The following BARD1 variants were observed in gnomAD, a reference collection of about 807,000 sequenced individuals.
BARD1 encodes BRCA1 associated RING domain 1, also known as BRCA1-associated RING domain protein 1.
BARD1 carries 73 observed loss-of-function variants against 77.0 expected under a neutral mutation model. The ratio of observed to expected loss-of-function variants is 0.95; its 90% confidence interval spans 0.79 to 1.15. BARD1 has a LOEUF of 1.15. BARD1 is among the 50% of genes most tolerant of loss of function. The pLI is 0.00. For missense variants in BARD1, 993 were observed against 938.8 expected (o/e 1.06, Z -0.75); for synonymous variants, 384 against 338.0 (o/e 1.14, Z -1.49).
chr2:214,746,558 A>T (rs952284163), intron 7 of BARD1, among the ~76,000 whole-genome samples: 1 of 151,752 alleles, frequency 6.6e-6, no homozygotes, highest in Non-Finnish European at 1.5e-5. Context: ...ATTAAAGCTG[A>T]GAAGTGAAAG....
intron 1 of BARD1, among the ~76,000 whole-genome samples, chr2:214,806,132 C>T (rs1388269868): frequency 6.6e-6 from 1 of 152,156 alleles, no homozygotes; most frequent in African/African-American, 2.4e-5. Context: ...ACACTTTCAT[C>T]GGCTTCACCT....
intron 3 of BARD1, 63 bp from the exon 4 acceptor site, chr2:214,781,572 C>T (rs1056804860): frequency 2.4e-5 from 33 of 1,393,474 alleles, no homozygotes; most frequent in African/African-American, 7.2e-5. Context: ...ATGGAGCTCC[C>T]GAAGAATTTT....
chr2:214,752,635 C>T, intron 6 of BARD1, 80 bp from the exon 7 acceptor site: 1 of 998,612 alleles, frequency 1.0e-6, no homozygotes, highest in Non-Finnish European at 1.6e-6. Context: ...TAATAATATA[C>T]AATTTTAACT....
chr2:214,785,277 T>C (rs1242966508), intron 3 of BARD1, among the ~76,000 whole-genome samples: 4 of 151,982 alleles, frequency 2.6e-5, no homozygotes, highest in African/African-American at 9.7e-5. Flanking sequence ...CATTGACAAA[T>C]CATACAAGTC....
At position 214,781,323 on chromosome 2, in the gene BARD1, G is replaced by T; in HGVS notation, c.551C>A (p.Ser184Tyr). ...AGAAACATCTGCAGGAGGACTTGGG[G>T]AAACAAATTCATATGAGTCTTGCTG... ...SAQQDSYEFVSPSPPADVSER... is the reference protein window; with the variant it reads ...SAQQDSYEFVYPSPPADVSER... The change falls in exon 4 of 11, where the codon TCC becomes TAC. Residue 184 changes from serine (S) to tyrosine (Y), a missense_variant. Ser to Tyr is a moderately radical substitution (Grantham distance 144). Coordinates refer to ENST00000260947, the MANE Select transcript of BARD1 (RefSeq NM_000465.4). 6.2e-7 allele frequency: 1 copy of T among 1,612,848 alleles called. No homozygotes were observed. The highest frequency in any genetic ancestry group is 1.3e-5 in the African/African-American group (1 of 74,986).
intron 1 of BARD1, among the ~76,000 whole-genome samples, chr2:214,803,861 C>T (rs1696144513): frequency 6.6e-6 from 1 of 152,186 alleles, no homozygotes; most frequent in Non-Finnish European, 1.5e-5. Context: ...CAGATCAGTG[C>T]TGTCAGAGGA....
intron 7 of BARD1, among the ~76,000 whole-genome samples, chr2:214,747,897 T>A (rs1338866945): frequency 6.6e-6 from 1 of 151,058 alleles, no homozygotes; most frequent in African/African-American, 2.4e-5. Context: ...AATAAAAAAA[T>A]TAAAAAAGGA....
chr2:214,749,617 C>T (rs1693306263), intron 7 of BARD1, among the ~76,000 whole-genome samples: 1 of 152,082 alleles, frequency 6.6e-6, no homozygotes, highest in African/African-American at 2.4e-5. Context: ...AAAGGAACAT[C>T]AGCAAAGGAC....
chr2:214,730,633 A>T (rs1263874327), intron 9 of BARD1, 125 bp from the exon 10 acceptor site: 1 of 752,370 alleles, frequency 1.3e-6, no homozygotes, highest in Non-Finnish European at 2.3e-6. Flanking sequence ...TATTATTCTA[A>T]AATGCAAACA....
intron 3 of BARD1, among the ~76,000 whole-genome samples, chr2:214,787,242 A>C (rs772873576): frequency 6.6e-6 from 1 of 151,948 alleles, no homozygotes; most frequent in Non-Finnish European, 1.5e-5. Context: ...ACCTCAATAT[A>C]AAAAGAAGAA....
At chr2:214,798,899 A>C (rs1695884846) in intron 1 of BARD1, among the ~76,000 whole-genome samples, 1 of 152,030 alleles carries the variant, frequency 6.6e-6, no homozygotes, top group Non-Finnish European at 1.5e-5. Context: ...TGAGAGGATC[A>C]CTTGAGGCCA....
chr2:214,730,101 G>T, intron 10 of BARD1: 1 of 404,278 alleles, frequency 2.5e-6, no homozygotes, highest in Non-Finnish European at 4.6e-6. Context: ...AGAGACATAT[G>T]GTAACTAAAT....
Position 214,796,144 on chromosome 2 carries a change from T to C in BARD1, c.215+917A>G, listed in dbSNP as rs77847798. Reference sequence around the variant, plus strand: ...AGGAGACTATATTTTCCCTGTCTCATAGGCAATTAAACTAAGACACTTAAT... The same window carrying C: ...AGGAGACTATATTTTCCCTGTCTCACAGGCAATTAAACTAAGACACTTAAT... On this transcript the variant is annotated intron_variant, in intron 2 of 10. Coordinates refer to ENST00000260947, the MANE Select transcript of BARD1 (RefSeq NM_000465.4). Among the ~76,000 whole-genome samples, 1,210 of 152,330 alleles carry C rather than the reference T, an allele frequency of 7.9e-3. 11 individuals carry two copies. The highest frequency in any genetic ancestry group is 0.027 in the African/African-American group (1,135 of 41,578).
At chr2:214,729,225 G>A (rs1271616424) in intron 10 of BARD1, among the ~76,000 whole-genome samples, 1 of 152,172 alleles carries the variant, frequency 6.6e-6, no homozygotes, top group Non-Finnish European at 1.5e-5. Context: ...CACAAAATTC[G>A]TTTGTTTCTT....
chr2:214,795,086 T>C (rs1695700496), intron 2 of BARD1, among the ~76,000 whole-genome samples: 1 of 152,136 alleles, frequency 6.6e-6, no homozygotes, highest in African/African-American at 2.4e-5. Flanking sequence ...TGACCTATTG[T>C]ATACAGTGAG....
chr2:214,738,881 G>A (rs541811501), intron 9 of BARD1, among the ~76,000 whole-genome samples: 32 of 152,166 alleles, frequency 2.1e-4, no homozygotes, highest in Middle Eastern at 3.4e-3. Flanking sequence ...CTGGTGGCTC[G>A]CACTTGTAAT....
rs564908067 is a variant in BARD1 at position 214,752,354 on chromosome 2, G to A, written c.1677+93C>T. On this transcript the variant is annotated intron_variant, in intron 7 of 10. Coordinates refer to ENST00000260947, the MANE Select transcript of BARD1 (RefSeq NM_000465.4). ...CTCAATAATTGTTTGGTGAATGTAA[G>A]CAATTGGTCAAATGGAAATTTTTCT... 4.4e-4 allele frequency: 453 copies of A among 1,021,710 alleles called. No individual in the cohort carries two copies. Among genetic ancestry groups the A allele is most frequent in the Non-Finnish European group, 6.4e-4 (425 of 661,112 alleles). The allele number at this position is 1,021,710 out of a possible 1,614,324, so 63.3% of individuals were successfully genotyped here.
At chr2:214,786,635 C>T (rs1011431490) in intron 3 of BARD1, among the ~76,000 whole-genome samples, 1 of 151,938 alleles carries the variant, frequency 6.6e-6, no homozygotes, top group Non-Finnish European at 1.5e-5. Flanking sequence ...CCCTCTCTAG[C>T]AAAAGAGTAA....
chr2:214,765,999 G>A (rs931653486), intron 6 of BARD1, among the ~76,000 whole-genome samples: 1 of 152,126 alleles, frequency 6.6e-6, no homozygotes, highest in African/African-American at 2.4e-5. Context: ...TGTTACCATT[G>A]AAAACTTAAT....
Sources: gnomAD v4.1 joint callset for allele counts (sites outside exome capture counted in the v4.1 genomes callset) on GRCh38, gnomAD v4.1.1 for gene constraint, MANE v1.5 for transcripts, NCBI Gene and HGNC (gene_info 2026-07-23, HGNC 2026-07-21) for gene names.